The following ADGB variants were observed in gnomAD, a reference collection of about 807,000 sequenced individuals.
The protein encoded by ADGB is calpain-7-like protein.
A neutral mutation model predicts 210.5 loss-of-function variants in ADGB; 172 were observed. The ratio of observed to expected loss-of-function variants is 0.82; its 90% confidence interval spans 0.72 to 0.93. The LOEUF (loss-of-function observed/expected upper bound fraction) is 0.93. ADGB is among the 40% of genes least tolerant of loss of function. ADGB has a pLI of 0.00. For synonymous variants in ADGB, 658 were observed against 662.7 expected (o/e 0.99, Z 0.11); for missense variants, 2,025 against 1,964.8 (o/e 1.03, Z -0.58).
At position 146,754,912 on chromosome 6, in the gene ADGB, A is replaced by G. The variant is rs115457968; in HGVS notation, c.3550+2198A>G. 4.6e-3 allele frequency among the ~76,000 whole-genome samples: 701 copies of G among 152,174 alleles called. 2 individuals carry two copies. The highest frequency in any genetic ancestry group is 0.016 in the African/African-American group (656 of 41,546). ...AAACTTGCTAATTATGATATTTAAA[A>G]TGTCAAGGTTGTCATTTATACTTTA... On this transcript the variant is annotated intron_variant, in intron 27 of 35. Transcript: ENST00000397944.
intron 10 of ADGB, among the ~76,000 whole-genome samples, chr6:146,687,239 A>T (rs994504747): frequency 6.6e-6 from 1 of 152,062 alleles, no homozygotes; most frequent in African/African-American, 2.4e-5. Context: ...TGTACTTCTA[A>T]AGCCTCTCCC....
intron 9 of ADGB, among the ~76,000 whole-genome samples, chr6:146,681,801 G>A (rs1037248992): frequency 2.6e-5 from 4 of 152,128 alleles, no homozygotes; most frequent in South Asian, 2.1e-4. Context: ...GAAGTGGGCC[G>A]GAACACATTC....
intron 7 of ADGB, among the ~76,000 whole-genome samples, chr6:146,669,659 C>T (rs565392597): frequency 1.8e-4 from 28 of 152,200 alleles, no homozygotes; most frequent in African/African-American, 6.5e-4. Context: ...TCTCAGGCTT[C>T]TTGGATAGTT....
chr6:146,768,849 T>A (rs980109805), intron 28 of ADGB, among the ~76,000 whole-genome samples, 171 bp from the exon 29 acceptor site: 7 of 152,182 alleles, frequency 4.6e-5, no homozygotes, highest in African/African-American at 1.4e-4. Context: ...ATTAAACTTT[T>A]ATAAAGTGTA....
chr6:146,693,947 A>C (rs1027042854), intron 12 of ADGB, among the ~76,000 whole-genome samples: 2 of 152,080 alleles, frequency 1.3e-5, no homozygotes, highest in Non-Finnish European at 2.9e-5. Context: ...TTTACTATCC[A>C]TATTTCTACC....
chr6:146,691,500 A>ATT lies in ADGB; in HGVS notation c.1486+234_1486+235dup, dbSNP rs71031007. Among the ~76,000 whole-genome samples the ATT allele has an allele frequency of 5.9e-3, 81 of 13,648 alleles. 16 individuals are homozygous for ATT. The highest frequency in any genetic ancestry group is 8.6e-3 in the Admixed American group (5 of 584). 9.0% of individuals were successfully genotyped at this position (13,648 alleles called of 152,430 possible). A position where few individuals can be genotyped will look rare whatever the true frequency, so the allele number is the denominator to read the frequency against. The stretch of plus-strand genomic sequence containing the variant: ...TAAATATATATATATATATATATAT[A>ATT]TTTTTTTTTTTTTTTTTTTTTTTTT... On this transcript the variant is annotated intron_variant, in intron 11 of 35. Transcript: ENST00000397944.
At chr6:146,814,279 G>C (rs1249280938) in intron 35 of ADGB, among the ~76,000 whole-genome samples, 3 of 152,206 alleles carry the variant, frequency 2.0e-5, no homozygotes, top group Non-Finnish European at 2.9e-5. Flanking sequence ...ACTAGCATCT[G>C]TGCTTTAATC....
At chr6:146,682,853 T>C (rs12194020) in intron 9 of ADGB, among the ~76,000 whole-genome samples, 37,438 of 151,990 alleles carry the variant, frequency 0.25, 4,861 homozygotes, top group African/African-American at 0.33. Context: ...TTGAAAATCT[T>C]ATGAAAATTT....
chr6:146,776,690 A>C (rs1273485356), intron 29 of ADGB, among the ~76,000 whole-genome samples: 1 of 152,190 alleles, frequency 6.6e-6, no homozygotes, highest in Admixed American at 6.5e-5. Flanking sequence ...TAAGACAAGA[A>C]AGCCCCAGAA....
intron 16 of ADGB, among the ~76,000 whole-genome samples, chr6:146,718,822 G>T (rs1440567488): frequency 6.6e-6 from 1 of 152,208 alleles, no homozygotes; most frequent in African/African-American, 2.4e-5. Flanking sequence ...CTCAAGAGCT[G>T]CTTTGTTGCT....
chr6:146,630,391 A>C (rs1158345761), intron 1 of ADGB, among the ~76,000 whole-genome samples: 2 of 152,152 alleles, frequency 1.3e-5, no homozygotes, highest in African/African-American at 4.8e-5. Flanking sequence ...GCCATAAAAA[A>C]AGAAGAGAAT....
intron 35 of ADGB, among the ~76,000 whole-genome samples, chr6:146,809,411 G>A (rs1210834506): frequency 5.3e-5 from 8 of 152,068 alleles, no homozygotes; most frequent in African/African-American, 1.7e-4. Context: ...TCACCAGGTC[G>A]ACCAGGCTGG....
At chr6:146,728,842 T>G in intron 20 of ADGB, 101 bp downstream of exon 20, 1 of 986,184 alleles carries the variant, frequency 1.0e-6, no homozygotes, top group Non-Finnish European at 1.4e-6. Context: ...AGAGAAAATA[T>G]TTTGGATGGA....
Position 146,724,288 on chromosome 6 carries a change from C to T in ADGB, c.2198C>T (p.Thr733Ile). The T allele has an allele frequency of 4.5e-6, 7 of 1,550,158 alleles. No homozygotes were observed. Among genetic ancestry groups the T allele is most frequent in the South Asian group, 1.2e-5 (1 of 83,718 alleles). The change falls in exon 18 of 36, where the codon ACA becomes ATA. Residue 733 changes from threonine (T) to isoleucine (I), a missense_variant. Physicochemically the swap from Thr to Ile is moderately conservative, Grantham distance 89. Transcript: ENST00000397944. ...KPGSLVLKIHTYATKATVVRL... is the reference protein window; with the variant it reads ...KPGSLVLKIHIYATKATVVRL... ...GGCAGTCTTGTTCTGAAGATTCACA[C>T]ATATGCTACCAAGGCTACAGTGGTT...
intron 2 of ADGB, among the ~76,000 whole-genome samples, chr6:146,641,064 T>G (rs1210358351): frequency 1.3e-5 from 2 of 151,988 alleles, no homozygotes; most frequent in Admixed American, 6.6e-5. Flanking sequence ...TTCAGCAAAC[T>G]TGCAGGATAC....
chr6:146,766,228 G>A (rs546837849), intron 28 of ADGB, among the ~76,000 whole-genome samples: 27 of 152,008 alleles, frequency 1.8e-4, no homozygotes, highest in African/African-American at 6.3e-4. Context: ...TTCGAGACCA[G>A]CCTGGCCAAC....
chr6:146,630,815 T>C (rs1218068872), intron 1 of ADGB, among the ~76,000 whole-genome samples: 1 of 152,136 alleles, frequency 6.6e-6, no homozygotes, highest in Non-Finnish European at 1.5e-5. Context: ...ACAGAAAGAT[T>C]ATAAGAAAGC....
At chr6:146,774,398 C>T (rs554139576) in intron 29 of ADGB, among the ~76,000 whole-genome samples, 1 of 152,084 alleles carries the variant, frequency 6.6e-6, no homozygotes, top group Non-Finnish European at 1.5e-5. Context: ...AAAATAATTA[C>T]GTTTTCTTTC....
At chr6:146,790,745 A>G (rs929436461) in intron 33 of ADGB, among the ~76,000 whole-genome samples, 2 of 152,132 alleles carry the variant, frequency 1.3e-5, no homozygotes, top group African/African-American at 4.8e-5. Context: ...TTCTACTTTT[A>G]GTTTCTTGAA....
Sources: gnomAD v4.1 joint callset for allele counts (sites outside exome capture counted in the v4.1 genomes callset) on GRCh38, gnomAD v4.1.1 for gene constraint, MANE v1.5 for transcripts, NCBI Gene and HGNC (gene_info 2026-07-23, HGNC 2026-07-21) for gene names.